AKAP1: variants seen among roughly 807,000 people sequenced by gnomAD.
AKAP1 encodes the protein A-kinase anchor protein 1, mitochondrial.
Under a neutral mutation model 79.8 loss-of-function variants are expected in AKAP1, and 32 were observed. The ratio of observed to expected loss-of-function variants is 0.40; its 90% CI spans 0.30 to 0.54. The LOEUF (loss-of-function observed/expected upper bound fraction) is 0.54. AKAP1 is among the 20% of genes least tolerant of loss of function. The probability of loss-of-function intolerance (pLI) is 0.47; values close to 1 mark genes in which losing one functional copy is unlikely to be tolerated. For synonymous variants in AKAP1, 416 were observed against 466.7 expected (o/e 0.89, Z 1.40); for missense variants, 961 against 1,138.9 (o/e 0.84, Z 2.25).
rs1447861086 is a variant in AKAP1, at chr17:57,086,410, C to T, written c.-25+1012C>T. ...GAAGAAAGGTGCTGATCGTGGTAGG[C>T]GGTGCTGTGGCGACTCGGAACGGCA... On this transcript the variant is annotated intron_variant, in intron 1 of 10. Coordinates refer to ENST00000337714, the MANE Select transcript of AKAP1 (RefSeq NM_003488.4). The surrounding 1 kb of genome is among the most constrained non-coding windows in gnomAD (Gnocchi z 5.1). 8.8e-6 allele frequency: 4 copies of T among 455,926 alleles called. No individual in the cohort carries two copies. Among genetic ancestry groups the T allele is most frequent in the East Asian group, 7.0e-5 (1 of 14,218 alleles). 28.2% of individuals were successfully genotyped at this position (455,926 alleles called of 1,614,324 possible).
chr17:57,102,089 G>A (rs1914552154), intron 1 of AKAP1, among the ~76,000 whole-genome samples: 1 of 152,036 alleles, frequency 6.6e-6, no homozygotes, highest in South Asian at 2.1e-4. Context: ...AGAGGTACGT[G>A]GGTTAAAAAC....
At chr17:57,104,528 AC>A (rs1914724063) in intron 1 of AKAP1, among the ~76,000 whole-genome samples, 3 of 152,190 alleles carry the variant, frequency 2.0e-5, no homozygotes, top group Admixed American at 1.3e-4. Context: ...CCTACTGAAC[AC>A]CATAGTTTAG....
intron 1 of AKAP1, chr17:57,093,809 A>G (rs1913926078): frequency 1.9e-5 from 2 of 107,566 alleles, no homozygotes; most frequent in African/African-American, 7.6e-5. Flanking sequence ...TGTCCCCACC[A>G]TTGTCAGTAG....
intron 10 of AKAP1, 32 bp from the exon 11 acceptor site, chr17:57,120,218 G>A (rs757015523): frequency 1.9e-5 from 30 of 1,603,192 alleles, no homozygotes; most frequent in Admixed American, 3.5e-5. Context: ...GGATGCCATG[G>A]ACAAAAGCTT....
chr17:57,102,434 G>A (rs7342869), intron 1 of AKAP1, among the ~76,000 whole-genome samples: 62,624 of 151,444 alleles, frequency 0.41, 13,530 homozygotes, highest in East Asian at 0.79. Flanking sequence ...TTTAATGTGG[G>A]AGAGAATTTA....
intron 1 of AKAP1, among the ~76,000 whole-genome samples, chr17:57,103,500 C>T (rs1287520651): frequency 6.6e-6 from 1 of 152,192 alleles, no homozygotes; most frequent in Non-Finnish European, 1.5e-5. Context: ...AGTAGTGGTT[C>T]CCAGCCTTGG....
intron 4 of AKAP1, 61 bp from the exon 5 acceptor site, chr17:57,112,430 G>A (rs1915304827): frequency 1.3e-6 from 2 of 1,575,690 alleles, no homozygotes; most frequent in South Asian, 2.4e-5. Flanking sequence ...GTGTTTTTGT[G>A]AGTGTGGGTG....
At chr17:57,100,769 C>T (rs1283708310) in intron 1 of AKAP1, among the ~76,000 whole-genome samples, 4 of 152,206 alleles carry the variant, frequency 2.6e-5, no homozygotes, top group African/African-American at 9.7e-5. Flanking sequence ...CCATTGCAGC[C>T]TTTCCTCATA....
At chr17:57,088,277 C>G (rs1913581662) in intron 1 of AKAP1, among the ~76,000 whole-genome samples, 1 of 152,174 alleles carries the variant, frequency 6.6e-6, no homozygotes, top group Non-Finnish European at 1.5e-5. Context: ...GAAGGAACCT[C>G]CTGGCCTTGG....
chr17:57,120,404 A>T lies in AKAP1; in HGVS notation c.*80A>T, dbSNP rs1915857652. On this transcript the variant is annotated 3_prime_UTR_variant, in exon 11 of 11. Transcript: ENST00000337714. The stretch of plus-strand genomic sequence containing the variant: ...ACTCAAGTCAAAGATGAACATCGGA[A>T]TAACAAACATTGTCCTCTCCAGAAA... 1 of 1,254,340 alleles carries T rather than the reference A, an allele frequency of 8.0e-7. No individual in the cohort carries two copies. Among genetic ancestry groups the T allele is most frequent in the Non-Finnish European group, 1.1e-6 (1 of 873,108 alleles). The allele number at this position is 1,254,340 out of a possible 1,614,324, so 77.7% of individuals were successfully genotyped here. A position where few individuals can be genotyped will look rare whatever the true frequency, so the allele number is the denominator to read the frequency against.
intron 1 of AKAP1, among the ~76,000 whole-genome samples, chr17:57,099,925 TATA>T (rs1914380358): frequency 6.6e-6 from 1 of 152,134 alleles, no homozygotes; most frequent in African/African-American, 2.4e-5. Flanking sequence ...CTCACTGTAG[TATA>T]GCCCCCTTAT....
chr17:57,116,153 G>T lies in AKAP1; in HGVS notation c.2324G>T (p.Trp775Leu), dbSNP rs756198753. 2 of 1,614,010 alleles carry T rather than the reference G, an allele frequency of 1.2e-6. No individual in the cohort carries two copies. The highest frequency in any genetic ancestry group is 1.7e-6 in the Non-Finnish European group (2 of 1,180,032). The change falls in exon 7 of 11, where the codon TGG becomes TTG. Residue 775 changes from tryptophan (W) to leucine (L), a missense_variant. Trp to Leu is a moderately conservative substitution (Grantham distance 61). This residue lies in a region of AKAP1 where 629 missense variants were observed against 781.1 expected (regional missense o/e 0.81). Transcript: ENST00000337714. ...CAAPGADGAW[W>L]RAQVVASYEE... ...GCCCCTGGTGCGGACGGGGCCTGGTGGCGAGCCCAAGTGGTTGCCTCCTAC... is the reference window on the plus strand; with the variant it reads ...GCCCCTGGTGCGGACGGGGCCTGGTTGCGAGCCCAAGTGGTTGCCTCCTAC...
At chr17:57,096,177 T>C (rs1464177229) in intron 1 of AKAP1, 1 of 152,222 alleles carries the variant, frequency 6.6e-6, no homozygotes. Flanking sequence ...GGTTTAACTT[T>C]TAGTTGGGCT....
rs202243390 is a variant in AKAP1, at chr17:57,110,177, A to G, written c.1848+19A>G. The G allele has an allele frequency of 9.0e-4, 1,457 of 1,612,998 alleles. No individual in the cohort carries two copies. The highest frequency in any genetic ancestry group is 1.1e-3 in the Non-Finnish European group (1,255 of 1,179,710). On this transcript the variant is annotated intron_variant, in intron 3 of 10. Coordinates refer to ENST00000337714, the MANE Select transcript of AKAP1 (RefSeq NM_003488.4). The stretch of plus-strand genomic sequence containing the variant: ...GCCAAAGGTAGGGGCGGAGTCCCCC[A>G]GGCTGGTTCTGTGGTAAGCCCAAAG...
At position 57,120,978 on chromosome 17, in the gene AKAP1, G is replaced by A. The variant is rs1915888986; in HGVS notation, c.*654G>A. Reference sequence around the variant, plus strand: ...TGTAATTTGTAACCATTTTCTATTTGTGCAAACTCTGTAAATATGTGTTTA... The same window carrying A: ...TGTAATTTGTAACCATTTTCTATTTATGCAAACTCTGTAAATATGTGTTTA... On this transcript the variant is annotated 3_prime_UTR_variant, in exon 11 of 11. Coordinates refer to ENST00000337714, the MANE Select transcript of AKAP1 (RefSeq NM_003488.4). 1 of 152,634 alleles carries A rather than the reference G, an allele frequency of 6.6e-6. No homozygotes were observed. The highest frequency in any genetic ancestry group is 6.5e-5 in the Admixed American group (1 of 15,280). 9.5% of individuals were successfully genotyped at this position (152,634 alleles called of 1,614,324 possible). A position where few individuals can be genotyped will look rare whatever the true frequency, so the allele number is the denominator to read the frequency against.
intron 1 of AKAP1, among the ~76,000 whole-genome samples, chr17:57,097,235 C>A (rs1424342367): frequency 1.4e-5 from 2 of 143,810 alleles, no homozygotes; most frequent in African/African-American, 5.3e-5. Flanking sequence ...AAATCCTGGC[C>A]CTCTTTGAGA....
chr17:57,095,818 G>T (rs1248350999), intron 1 of AKAP1: 1 of 152,078 alleles, frequency 6.6e-6, no homozygotes, highest in East Asian at 1.9e-4. Context: ...GCAGTTTTGT[G>T]TAATGTCTTC....
chr17:57,120,084 CCAA>C (rs1915837063), intron 10 of AKAP1, among the ~76,000 whole-genome samples, 163 bp from the exon 11 acceptor site: 1 of 152,000 alleles, frequency 6.6e-6, no homozygotes, highest in Non-Finnish European at 1.5e-5. Context: ...CCTCAGCCTC[CCAA>C]AATGCTAGGA....
intron 9 of AKAP1, 100 bp downstream of exon 9, chr17:57,118,554 C>T (rs1915730054): frequency 1.6e-6 from 2 of 1,245,026 alleles, no homozygotes. Flanking sequence ...GATTGACCAG[C>T]AGTATTTAAG....
Sources: allele counts gnomAD v4.1 joint callset (sites outside exome capture counted in the v4.1 genomes callset), GRCh38; gene constraint gnomAD v4.1.1; regional missense constraint gnomAD v4.1.1; non-coding constraint Gnocchi (gnomAD v3.1); transcripts MANE v1.5; gene names NCBI Gene and HGNC (gene_info 2026-07-23, HGNC 2026-07-21).